Variants in BTF3L4 observed in about 807,000 individuals in gnomAD.
BTF3L4 encodes basic transcription factor 3 like 4.
In BTF3L4, 6 loss-of-function variants were observed where a neutral mutation model predicts 16.8. That is an observed-to-expected ratio of 0.36 (90% CI 0.20 to 0.71). The LOEUF (loss-of-function observed/expected upper bound fraction) is 0.71. Ranked by LOEUF, BTF3L4 falls within the 30% of genes least tolerant of loss-of-function variation. BTF3L4 has a pLI of 0.58. For synonymous variants in BTF3L4, 39 were observed against 59.8 expected, an observed-to-expected ratio of 0.65 and a Z score of 1.60; for missense variants, 92 against 186.9, an observed-to-expected ratio of 0.49 and a Z score of 2.96.
chr1:52,064,980 C>T, intron 3 of BTF3L4, 42 bp downstream of exon 3: 5 of 1,200,368 alleles, frequency 4.2e-6, no homozygotes, highest in Non-Finnish European at 6.1e-6. Context: ...TGGGTACATG[C>T]ACAAATAATT....
chr1:52,074,251 G>A (rs1402853913), intron 3 of BTF3L4, among the ~76,000 whole-genome samples: 1 of 151,790 alleles, frequency 6.6e-6, no homozygotes, highest in East Asian at 1.9e-4. Flanking sequence ...AGGCTGGAGT[G>A]CAGTGGCACA....
chr1:52,064,984 A>G (rs767091757), intron 3 of BTF3L4, 46 bp downstream of exon 3: 1 of 1,150,380 alleles, frequency 8.7e-7, no homozygotes, highest in Non-Finnish European at 1.3e-6. Context: ...TACATGCACA[A>G]ATAATTGTCT....
At chr1:52,074,308 G>A (rs1047412027) in intron 3 of BTF3L4, among the ~76,000 whole-genome samples, 3 of 150,720 alleles carry the variant, frequency 2.0e-5, no homozygotes, top group South Asian at 2.1e-4. Flanking sequence ...AGCGATTCTC[G>A]TGCCTCAAAC....
chr1:52,065,600 T>C (rs1686627321), intron 3 of BTF3L4, among the ~76,000 whole-genome samples: 1 of 152,106 alleles, frequency 6.6e-6, no homozygotes, highest in African/African-American at 2.4e-5. Context: ...TTTGGACTCA[T>C]GGCTCAATAG....
At position 52,086,863 on chromosome 1, in the gene BTF3L4, T is replaced by C. The variant is rs1054254713; in HGVS notation, c.*105T>C. 5.0e-6 allele frequency: 3 copies of C among 597,040 alleles called. No homozygotes were observed. The highest frequency in any genetic ancestry group is 8.6e-6 in the Non-Finnish European group (3 of 348,504). 37.0% of individuals were successfully genotyped at this position (597,040 alleles called of 1,614,324 possible). ...ACATCACCTGTTACTAGTTCAGTAA[T>C]ATAAATATTTTGTATATTAATAATG... On this transcript the variant is annotated 3_prime_UTR_variant, in exon 6 of 6. Transcript: ENST00000313334.
intron 3 of BTF3L4, among the ~76,000 whole-genome samples, chr1:52,069,433 A>G (rs1686730445): frequency 6.6e-6 from 1 of 152,182 alleles, no homozygotes; most frequent in Non-Finnish European, 1.5e-5. Flanking sequence ...ATTGCATTAA[A>G]TGTATACATG....
chr1:52,085,678 C>G (rs1643965825), intron 4 of BTF3L4, among the ~76,000 whole-genome samples: 1 of 151,774 alleles, frequency 6.6e-6, no homozygotes, highest in African/African-American at 2.4e-5. Context: ...GGTGAAACCC[C>G]ATCTCTACTA....
At chr1:52,070,213 TAAA>T (rs66484875) in intron 3 of BTF3L4, among the ~76,000 whole-genome samples, 1 of 140,552 alleles carries the variant, frequency 7.1e-6, no homozygotes. Context: ...CAAGACTGTC[TAAA>T]AAAAAAAAAA....
chr1:52,068,527 A>G (rs746254604), intron 3 of BTF3L4, among the ~76,000 whole-genome samples: 4 of 152,202 alleles, frequency 2.6e-5, no homozygotes, highest in Admixed American at 2.6e-4. Context: ...GTGCCTACCT[A>G]AGATCACGTA....
chr1:52,074,750 C>T (rs1686888794), intron 3 of BTF3L4, among the ~76,000 whole-genome samples: 1 of 152,076 alleles, frequency 6.6e-6, no homozygotes, highest in Non-Finnish European at 1.5e-5. Context: ...CTCAGGTGAT[C>T]CACCTGCCTC....
chr1:52,070,877 C>T, intron 3 of BTF3L4, among the ~76,000 whole-genome samples: 1 of 152,056 alleles, frequency 6.6e-6, no homozygotes, highest in East Asian at 1.9e-4. Flanking sequence ...CTCAGAAGTT[C>T]CACCTGCCTT....
Position 52,063,141 on chromosome 1 carries a change from G to A in BTF3L4, c.55-1684G>A, listed in dbSNP as rs556430163. ...CAAATTTAGGAGTTGGAATTGACAC[G>A]ATTTAGTGACTGATGGGATATGGGG... On this transcript the variant is annotated intron_variant, in intron 2 of 5. Coordinates refer to ENST00000313334, the MANE Select transcript of BTF3L4 (RefSeq NM_152265.5). Among the ~76,000 whole-genome samples, 94 of 152,240 alleles carry A rather than the reference G, an allele frequency of 6.2e-4. 1 individual carries two copies. Among genetic ancestry groups the A allele is most frequent in the African/African-American group, 2.1e-3 (89 of 41,544 alleles).
intron 3 of BTF3L4, among the ~76,000 whole-genome samples, chr1:52,079,692 T>A (rs1643897801): frequency 6.6e-6 from 1 of 151,956 alleles, no homozygotes; most frequent in Admixed American, 6.6e-5. Flanking sequence ...AAAAACTCCA[T>A]GAGTTTGTTT....
intron 4 of BTF3L4, among the ~76,000 whole-genome samples, chr1:52,083,865 CA>C (rs1643945816): frequency 6.6e-6 from 1 of 151,738 alleles, no homozygotes; most frequent in Admixed American, 6.6e-5. Flanking sequence ...ACTAAAAATA[CA>C]AAAATTAGCC....
chr1:52,088,203 A>C lies in BTF3L4; in HGVS notation c.*1445A>C, dbSNP rs1558012541. 6.6e-6 allele frequency: 1 copy of C among 152,642 alleles called. No homozygotes were observed. The highest frequency in any genetic ancestry group is 6.5e-5 in the Admixed American group (1 of 15,272). 9.5% of individuals were successfully genotyped at this position (152,642 alleles called of 1,614,324 possible). A position where few individuals can be genotyped will look rare whatever the true frequency, so the allele number is the denominator to read the frequency against. Reference sequence around the variant, plus strand: ...CAGCTACCAACTTTTGTGTCAAGCTAGATATCTTTATTTGATATCTAAGGT... The same window carrying C: ...CAGCTACCAACTTTTGTGTCAAGCTCGATATCTTTATTTGATATCTAAGGT... On this transcript the variant is annotated 3_prime_UTR_variant, in exon 6 of 6. Transcript: ENST00000313334.
intron 2 of BTF3L4, 89 bp downstream of exon 2, chr1:52,059,990 A>T: frequency 8.0e-7 from 1 of 1,242,796 alleles, no homozygotes; most frequent in Non-Finnish European, 1.1e-6. Flanking sequence ...GAAAATCTAA[A>T]ATCTTTTCAA....
At chr1:52,063,433 C>T (rs543937311) in intron 2 of BTF3L4, among the ~76,000 whole-genome samples, 1 of 152,290 alleles carries the variant, frequency 6.6e-6, no homozygotes, top group East Asian at 1.9e-4. Context: ...GATTTCAAGG[C>T]ATCCTCTGCT....
At chr1:52,065,823 A>G (rs1686634636) in intron 3 of BTF3L4, among the ~76,000 whole-genome samples, 1 of 152,018 alleles carries the variant, frequency 6.6e-6, no homozygotes, top group Non-Finnish European at 1.5e-5. Context: ...AGATCATCTG[A>G]GGTCAGGAGT....
Position 52,090,147 on chromosome 1 carries a change from A to C in BTF3L4, c.*3389A>C, listed in dbSNP as rs1644006529. On this transcript the variant is annotated 3_prime_UTR_variant, in exon 6 of 6. Coordinates refer to ENST00000313334, the MANE Select transcript of BTF3L4 (RefSeq NM_152265.5). ...ATCACTTATTTTTGTTGTGTTCCAG[A>C]AGGTGTCATTTTCATAGACTGCAGT... The C allele has an allele frequency of 6.6e-6, 1 of 152,194 alleles. No individual in the cohort carries two copies. Among genetic ancestry groups the C allele is most frequent in the African/African-American group, 2.4e-5 (1 of 41,434 alleles). The allele number at this position is 152,194 out of a possible 1,614,324, so 9.4% of individuals were successfully genotyped here.
Sources: gnomAD v4.1 joint callset for allele counts (sites outside exome capture counted in the v4.1 genomes callset) on GRCh38, gnomAD v4.1.1 for gene constraint, MANE v1.5 for transcripts, NCBI Gene and HGNC (gene_info 2026-07-23, HGNC 2026-07-21) for gene names.